Variants in SMIM36 observed in about 807,000 individuals in gnomAD.
The protein encoded by SMIM36 is small integral membrane protein 36.
At chr17:55,492,091 A>G (rs1039783298) in intron 1 of SMIM36, among the ~76,000 whole-genome samples, 4 of 151,382 alleles carry the variant, frequency 2.6e-5, no homozygotes, top group Admixed American at 2.0e-4. Flanking sequence ...CCAGGGAGGC[A>G]GAGCTTGCAG....
At chr17:55,494,983 T>G (rs1307423575) in intron 1 of SMIM36, among the ~76,000 whole-genome samples, 1 of 152,184 alleles carries the variant, frequency 6.6e-6, no homozygotes. Context: ...ATTCAGGCAA[T>G]GTATGCAAAG....
At chr17:55,513,332 G>A (rs1263263168), upstream of SMIM36, among the ~76,000 whole-genome samples, 1 of 152,186 alleles carries the variant, frequency 6.6e-6, no homozygotes, top group African/African-American at 2.4e-5. Flanking sequence ...GCTATTCCAG[G>A]GGGCATTCAA....
At chr17:55,516,497 G>A in the SMIM36 span, among the ~76,000 whole-genome samples, 73,678 of 150,072 alleles carry the variant, frequency 0.49, 18,233 homozygotes, top group Middle Eastern at 0.52. Context: ...AAAGCATAAA[G>A]TTTATATAAC....
chr17:55,489,812 T>G (rs8069317), intron 1 of SMIM36, among the ~76,000 whole-genome samples: 119,655 of 151,906 alleles, frequency 0.79, 47,586 homozygotes, highest in Non-Finnish European at 0.82. Flanking sequence ...TGAGCTCATA[T>G]CAAGTGAACA....
At chr17:55,498,519 A>G (rs1431912645) in intron 1 of SMIM36, among the ~76,000 whole-genome samples, 1 of 152,062 alleles carries the variant, frequency 6.6e-6, no homozygotes, top group Non-Finnish European at 1.5e-5. Context: ...TTTTTGAAAT[A>G]TCACAATATG....
chr17:55,511,398 A>G (rs1404294786), exon 1 of SMIM36: 1 of 397,776 alleles, frequency 2.5e-6, no homozygotes. Context: ...TGGGCATTGC[A>G]GAGAGCAGAT....
At chr17:55,516,433 A>G (rs541742127), upstream of SMIM36, among the ~76,000 whole-genome samples, 22 of 152,326 alleles carry the variant, frequency 1.4e-4, no homozygotes, top group African/African-American at 5.3e-4. Flanking sequence ...TGTGGGGGAA[A>G]GCAAAGGCCA....
intron 4 of SMIM36, among the ~76,000 whole-genome samples, chr17:55,450,640 C>T (rs1183808455): frequency 6.6e-6 from 1 of 152,160 alleles, no homozygotes; most frequent in African/African-American, 2.4e-5. Context: ...AACCCGGGTG[C>T]AATACCCAGA....
chr17:55,505,213 C>G (rs1411189494), intron 1 of SMIM36, among the ~76,000 whole-genome samples: 5 of 95,874 alleles, frequency 5.2e-5, no homozygotes, highest in Admixed American at 3.1e-4. Flanking sequence ...GGAATCCTCC[C>G]TAACTCATTT....
In SMIM36 at chr17:55,476,871, T is replaced by A. The variant is rs148682007; in HGVS notation, c.*347+1891A>T. ...TGTGAGCCACCATGCCCGGCCAAGA[T>A]GATCACTATTTTTTAGGATTGTCTC... On this transcript the variant is annotated intron_variant, in intron 3 of 4. Transcript: ENST00000636752. 4.4e-3 allele frequency among the ~76,000 whole-genome samples: 674 copies of A among 152,302 alleles called. 2 individuals carry two copies. Among genetic ancestry groups the A allele is most frequent in the African/African-American group, 0.015 (633 of 41,568 alleles).
rs534062024 is a variant in SMIM36 at position 55,507,675 on chromosome 17, A to G, written c.*174+3204T>C. Among the ~76,000 whole-genome samples the G allele has an allele frequency of 1.8e-4, 26 of 147,130 alleles. No homozygotes were observed. The East Asian group carries it at 2.4e-3, about 14-fold the overall frequency. ...GTGCACCAGCATGGCACATGTATAC[A>G]TATGTAACTAACCTGCACAATGTGC... On this transcript the variant is annotated intron_variant, in intron 1 of 4. Transcript: ENST00000636752.
chr17:55,457,591 ATC>A (rs1391067771), intron 4 of SMIM36, among the ~76,000 whole-genome samples: 1 of 151,466 alleles, frequency 6.6e-6, no homozygotes, highest in Non-Finnish European at 1.5e-5. Context: ...CAATGGTGCG[ATC>A]TTGGCTCACT....
At chr17:55,453,637 C>T (rs1908964693) in intron 4 of SMIM36, among the ~76,000 whole-genome samples, 1 of 152,158 alleles carries the variant, frequency 6.6e-6, no homozygotes, top group African/African-American at 2.4e-5. Context: ...TGAACACACG[C>T]TAATAACTAG....
At chr17:55,492,371 T>A (rs1909728685) in intron 1 of SMIM36, among the ~76,000 whole-genome samples, 1 of 150,266 alleles carries the variant, frequency 6.7e-6, no homozygotes, top group African/African-American at 2.4e-5. Context: ...GCCTCCTGAG[T>A]AGCTGGGACT....
At chr17:55,451,059 G>C (rs1365248914) in intron 4 of SMIM36, among the ~76,000 whole-genome samples, 3 of 152,086 alleles carry the variant, frequency 2.0e-5, no homozygotes, top group Admixed American at 2.0e-4. Flanking sequence ...GCTAATTTTT[G>C]TATTTTTAGT....
chr17:55,452,102 CAAAAAAAAAAAA>C (rs1156887430), intron 4 of SMIM36, among the ~76,000 whole-genome samples: 3 of 51,766 alleles, frequency 5.8e-5, no homozygotes, highest in African/African-American at 7.9e-5. Context: ...TCAATCTCTA[CAAAAAAAAAAAA>C]AAAAAAAAAA....
At chr17:55,514,393 C>T (rs1910231751), upstream of SMIM36, among the ~76,000 whole-genome samples, 1 of 152,130 alleles carries the variant, frequency 6.6e-6, no homozygotes, top group African/African-American at 2.4e-5. Context: ...TAGCAAGGTA[C>T]TAAGCACTTT....
intron 3 of SMIM36, chr17:55,468,120 G>A (rs1909275800): frequency 6.6e-6 from 1 of 152,288 alleles, no homozygotes; most frequent in Admixed American, 6.5e-5. Flanking sequence ...CCTGCACCCA[G>A]GTGATTAAAA....
upstream of SMIM36, among the ~76,000 whole-genome samples, chr17:55,513,550 G>A (rs552349484): frequency 2.8e-3 from 434 of 152,334 alleles, 3 homozygotes; most frequent in African/African-American, 9.9e-3. Context: ...CCAGACAGAA[G>A]CGAGGCTTTA....
Sources: allele counts gnomAD v4.1 joint callset (sites outside exome capture counted in the v4.1 genomes callset), GRCh38; gene constraint gnomAD v4.1.1; transcripts MANE v1.5; gene names NCBI Gene and HGNC (gene_info 2026-07-23, HGNC 2026-07-21).